Variants in HDAC11 observed in about 807,000 individuals in gnomAD.
HDAC11 encodes the protein histone deacetylase 11.
Under a neutral mutation model 41.1 loss-of-function variants are expected in HDAC11, and 23 were observed. That is an observed-to-expected ratio of 0.56 (90% CI 0.40 to 0.79). HDAC11 has a LOEUF of 0.79. HDAC11 is among the 30% of genes least tolerant of loss of function. The pLI is 0.00. For missense variants in HDAC11, 402 were observed against 477.3 expected, an observed-to-expected ratio of 0.84 and a Z score of 1.47; for synonymous variants, 187 against 186.6, an observed-to-expected ratio of 1.00 and a Z score of -0.02.
intron 3 of HDAC11, among the ~76,000 whole-genome samples, chr3:13,494,739 C>T (rs963448153): frequency 1.3e-5 from 2 of 152,210 alleles, no homozygotes; most frequent in African/African-American, 2.4e-5. Context: ...CCGCCCTTGC[C>T]GGCCTGGGCT....
At chr3:13,487,126 G>A (rs990231274) in intron 3 of HDAC11, among the ~76,000 whole-genome samples, 1 of 152,136 alleles carries the variant, frequency 6.6e-6, no homozygotes, top group Non-Finnish European at 1.5e-5. Context: ...TCAGCAGGAG[G>A]GTGATATGGT....
chr3:13,496,387 T>G (rs1559377577), intron 3 of HDAC11, among the ~76,000 whole-genome samples: 1 of 152,188 alleles, frequency 6.6e-6, no homozygotes, highest in Non-Finnish European at 1.5e-5. Context: ...TAGACTAATT[T>G]GTTATCCCAA....
chr3:13,494,139 G>A (rs1701983900), intron 3 of HDAC11, among the ~76,000 whole-genome samples: 3 of 152,218 alleles, frequency 2.0e-5, no homozygotes, highest in South Asian at 2.1e-4. Context: ...TGCGAGACCC[G>A]TGGCTGTGGA....
At chr3:13,501,810 C>T (rs539390218) in intron 6 of HDAC11, 61 bp from the exon 7 acceptor site, 2 of 1,506,484 alleles carry the variant, frequency 1.3e-6, no homozygotes, top group East Asian at 2.3e-5. Context: ...CTGGGAGTTG[C>T]TGTAGGGCTG....
At chr3:13,496,295 C>G (rs891972248) in intron 3 of HDAC11, among the ~76,000 whole-genome samples, 1 of 152,236 alleles carries the variant, frequency 6.6e-6, no homozygotes, top group African/African-American at 2.4e-5. Context: ...CCCGTCCCAG[C>G]TCTGTCAGTG....
chr3:13,504,979 G>T lies in HDAC11; in HGVS notation c.*296G>T. 2 of 490,494 alleles carry T rather than the reference G, an allele frequency of 4.1e-6. No homozygotes were observed. The highest frequency in any genetic ancestry group is 1.9e-5 in the African/African-American group (1 of 51,742). 30.4% of individuals were successfully genotyped at this position (490,494 alleles called of 1,614,324 possible). On this transcript the variant is annotated 3_prime_UTR_variant, in exon 10 of 10. Transcript: ENST00000295757. ...GTTAACTGAGAATTGGAGAGGACAG[G>T]CTAGGTCCCAGGCACAGCGAGGGCC...
intron 6 of HDAC11, 21 bp from the exon 7 acceptor site, chr3:13,501,850 C>T: frequency 6.2e-7 from 1 of 1,613,028 alleles, no homozygotes; most frequent in Non-Finnish European, 8.5e-7. Flanking sequence ...ATCCTCATGT[C>T]TACCCTCTCC....
intron 3 of HDAC11, among the ~76,000 whole-genome samples, chr3:13,485,209 G>T (rs1472443600): frequency 6.6e-6 from 1 of 152,264 alleles, no homozygotes; most frequent in Non-Finnish European, 1.5e-5. Flanking sequence ...GCAGCCTGAG[G>T]TGTGAGAATT....
intron 3 of HDAC11, among the ~76,000 whole-genome samples, chr3:13,486,602 G>T (rs1430196128): frequency 5.5e-5 from 7 of 127,208 alleles, no homozygotes; most frequent in South Asian, 2.5e-4. Context: ...TTTTGGAGAA[G>T]GAATCTCGCT....
At chr3:13,487,082 G>T (rs1291321061) in intron 3 of HDAC11, among the ~76,000 whole-genome samples, 1 of 152,170 alleles carries the variant, frequency 6.6e-6, no homozygotes, top group African/African-American at 2.4e-5. Context: ...TGTATATGTT[G>T]TTCCAGGGAC....
intron 5 of HDAC11, among the ~76,000 whole-genome samples, chr3:13,500,312 G>T (rs1702297309): frequency 6.6e-6 from 1 of 152,132 alleles, no homozygotes; most frequent in Admixed American, 6.5e-5. Flanking sequence ...GTCATGACCA[G>T]CAGAGGGTGC....
chr3:13,500,892 C>T, intron 6 of HDAC11, 103 bp downstream of exon 6: 2 of 904,158 alleles, frequency 2.2e-6, no homozygotes, highest in South Asian at 1.9e-5. Context: ...GACAAGGGGC[C>T]TATGCTGGAG....
At chr3:13,487,463 A>G (rs1701650523) in intron 3 of HDAC11, among the ~76,000 whole-genome samples, 1 of 152,248 alleles carries the variant, frequency 6.6e-6, no homozygotes, top group Non-Finnish European at 1.5e-5. Context: ...GCACTGAAGG[A>G]GAAGCAGGAG....
In HDAC11 at chr3:13,500,747, C is replaced by T. The variant is rs766875680; in HGVS notation, c.447C>T (p.Gly149=). The change falls in exon 6 of 10, where the codon GGC becomes GGT. Residue 149 remains glycine, a synonymous_variant. Transcript: ENST00000295757. The part of the protein sequence containing the change: ...GGFHHCSSDR[G]GGFCAYADIT... ...TCCACCACTGCTCCAGCGACCGTGG[C>T]GGGGGCTTCTGTGCCTATGCGGACA... The T allele has an allele frequency of 1.6e-5, 25 of 1,591,458 alleles. No individual in the cohort carries two copies. The highest frequency in any genetic ancestry group is 6.7e-5 in the African/African-American group (5 of 74,554).
chr3:13,495,477 A>G (rs1702053249), intron 3 of HDAC11, among the ~76,000 whole-genome samples: 2 of 150,756 alleles, frequency 1.3e-5, no homozygotes, highest in African/African-American at 4.9e-5. Context: ...TGGGCCCTCT[A>G]CCCCTTGTCC....
Position 13,480,405 on chromosome 3 carries a change from C to A in HDAC11, c.2+56C>A. The A allele has an allele frequency of 2.8e-6, 3 of 1,072,514 alleles. No homozygotes were observed. The highest frequency in any genetic ancestry group is 1.7e-5 in the African/African-American group (1 of 58,524). The allele number at this position is 1,072,514 out of a possible 1,614,324, so 66.4% of individuals were successfully genotyped here. On this transcript the variant is annotated intron_variant, in intron 1 of 9. Coordinates refer to ENST00000295757, the MANE Select transcript of HDAC11 (RefSeq NM_024827.4). This position sits in a 1 kb window ranked among gnomAD's most constrained non-coding sequence, Gnocchi z 4.6. Reference sequence around the variant, plus strand: ...GCTCCCAGGGGTCCCGGTGGGCGGGCGCGCTAGGGCGAGGGCGGGGACGGC... The same window carrying A: ...GCTCCCAGGGGTCCCGGTGGGCGGGAGCGCTAGGGCGAGGGCGGGGACGGC...
intron 3 of HDAC11, among the ~76,000 whole-genome samples, chr3:13,489,954 G>C (rs562065089): frequency 2.6e-5 from 4 of 151,504 alleles, no homozygotes; most frequent in African/African-American, 9.7e-5. Context: ...TGTGGCTTTG[G>C]AGCAAATTTT....
intron 3 of HDAC11, among the ~76,000 whole-genome samples, chr3:13,487,742 CTG>C (rs1287824493): frequency 6.6e-6 from 1 of 152,216 alleles, no homozygotes; most frequent in East Asian, 1.9e-4. Flanking sequence ...GGGCACCACT[CTG>C]TGATCTAGGT....
chr3:13,503,424 T>C (rs1229287345), intron 8 of HDAC11, among the ~76,000 whole-genome samples: 2 of 152,070 alleles, frequency 1.3e-5, no homozygotes, highest in African/African-American at 4.8e-5. Context: ...ATTAGCTGGA[T>C]GTGGTGGCGC....
Sources: gnomAD v4.1 joint callset for allele counts (sites outside exome capture counted in the v4.1 genomes callset) on GRCh38, gnomAD v4.1.1 for gene constraint, Gnocchi (gnomAD v3.1) non-coding constraint, MANE v1.5 for transcripts, NCBI Gene and HGNC (gene_info 2026-07-23, HGNC 2026-07-21) for gene names.